The following RTN1 variants were observed in gnomAD, a reference collection of about 807,000 sequenced individuals.
RTN1 encodes the protein reticulon-1.
A neutral mutation model predicts 65.5 loss-of-function variants in RTN1; 25 were observed. The ratio of observed to expected loss-of-function variants is 0.38; its 90% confidence interval spans 0.28 to 0.53. The LOEUF is 0.53. Among genes scored for constraint, RTN1 ranks in the 20% least tolerant of loss-of-function variants. The probability of loss-of-function intolerance (pLI) is 0.79; values close to 1 mark genes in which losing one functional copy is unlikely to be tolerated. For synonymous variants in RTN1, 471 were observed against 447.6 expected, an observed-to-expected ratio of 1.05 and a Z score of -0.66; for missense variants, 983 against 1,025.4, an observed-to-expected ratio of 0.96 and a Z score of 0.57.
chr14:59,805,907 G>A lies in RTN1; in HGVS notation c.242-59426C>T, dbSNP rs542566934. Among the ~76,000 whole-genome samples the A allele has an allele frequency of 1.6e-3, 240 of 152,270 alleles. 1 individual carries two copies. Among genetic ancestry groups the A allele is most frequent in the Non-Finnish European group, 2.6e-3 (175 of 68,020 alleles). ...AAGGACTTTCACAAAATTGGGACCA[G>A]AGGATGTCTCTTATGAATGATATGA... On this transcript the variant is annotated intron_variant, in intron 1 of 8. Transcript: ENST00000267484.
At chr14:59,658,057 G>T (rs948973821) in intron 3 of RTN1, among the ~76,000 whole-genome samples, 12 of 152,246 alleles carry the variant, frequency 7.9e-5, no homozygotes, top group African/African-American at 2.9e-4. Context: ...AGGTTGGTGG[G>T]GGGAGGGGCA....
At chr14:59,749,595 ATATC>A (rs1296362390) in intron 1 of RTN1, among the ~76,000 whole-genome samples, 4 of 43,504 alleles carry the variant, frequency 9.2e-5, no homozygotes, top group Non-Finnish European at 1.1e-4. Flanking sequence ...ATTTATATAT[ATATC>A]TATCTATATA....
chr14:59,746,479 C>T lies in RTN1; in HGVS notation c.244G>A (p.Val82Met). The T allele has an allele frequency of 6.3e-7, 1 of 1,577,410 alleles. No homozygotes were observed. Among genetic ancestry groups the T allele is most frequent in the Non-Finnish European group, 8.6e-7 (1 of 1,163,772 alleles). Residue 82 changes from valine to methionine, a missense_variant and splice_region_variant, in exon 2 of 9, where the codon GTG (valine) becomes ATG (methionine). By Grantham distance (21) the Val-to-Met change is conservative. Around this residue, in one of 2 missense-constraint regions of RTN1, gnomAD observed 818 missense variants for 801.8 expected, o/e 1.02. Transcript: ENST00000267484. The part of the protein sequence containing the change: ...PVAMETASTG[V>M]AGVSSAMDHT... ...TCCATGGCACTGGAAACACCTGCCA[C>T]ACCTATGAATCAAAGCAGCAGCAGA...
At chr14:59,652,054 A>G (rs1883030749) in intron 3 of RTN1, among the ~76,000 whole-genome samples, 1 of 152,180 alleles carries the variant, frequency 6.6e-6, no homozygotes, top group South Asian at 2.1e-4. Context: ...AGACATAGAT[A>G]CAGTCAACAA....
intron 1 of RTN1, among the ~76,000 whole-genome samples, chr14:59,864,545 C>A (rs991900002): frequency 7.0e-6 from 1 of 143,314 alleles, no homozygotes; most frequent in African/African-American, 2.5e-5. Flanking sequence ...CCCCTTGCCC[C>A]CACCAAGAAA....
intron 1 of RTN1, among the ~76,000 whole-genome samples, chr14:59,771,692 A>T (rs990203943): frequency 1.9e-4 from 29 of 152,188 alleles, no homozygotes; most frequent in African/African-American, 6.5e-4. Context: ...ATAAATTTCA[A>T]ATAAGCTGTG....
At chr14:59,619,311 G>C (rs749940540) in intron 3 of RTN1, among the ~76,000 whole-genome samples, 1 of 152,146 alleles carries the variant, frequency 6.6e-6, no homozygotes, top group Non-Finnish European at 1.5e-5. Flanking sequence ...TCCAGATTCT[G>C]ACATGATGAC....
At position 59,623,940 on chromosome 14, in the gene RTN1, G is replaced by A. The variant is rs369700057; in HGVS notation, c.1766-16448C>T. On this transcript the variant is annotated intron_variant, in intron 3 of 8. Coordinates refer to ENST00000267484, the MANE Select transcript of RTN1 (RefSeq NM_021136.3). ...TTGAAATTTGCCAATCTGCAGTTTG[G>A]TGAAATATTTCTGAAGAAAGGGGAT... Among the ~76,000 whole-genome samples the A allele has an allele frequency of 1.2e-4, 18 of 152,272 alleles. 2 individuals are homozygous for A. The highest frequency in any genetic ancestry group is 6.5e-4 in the Admixed American group (10 of 15,296).
intron 3 of RTN1, among the ~76,000 whole-genome samples, chr14:59,675,698 A>G (rs1883613009): frequency 6.6e-6 from 1 of 152,010 alleles, no homozygotes; most frequent in African/African-American, 2.4e-5. Flanking sequence ...AAGTCACATC[A>G]TGTATAAGTG....
chr14:59,812,711 A>C (rs2139614936), intron 1 of RTN1, among the ~76,000 whole-genome samples: 2 of 152,346 alleles, frequency 1.3e-5, no homozygotes, highest in East Asian at 3.9e-4. Flanking sequence ...GCAAACACAA[A>C]ATTTGTGTTA....
chr14:59,839,535 A>G (rs185177377), intron 1 of RTN1, among the ~76,000 whole-genome samples: 17 of 152,304 alleles, frequency 1.1e-4, no homozygotes, highest in Admixed American at 1.0e-3. Flanking sequence ...CTGTTTGACT[A>G]TTATCCTTTG....
At chr14:59,819,405 ACCACCAC>A (rs1886884755) in intron 1 of RTN1, among the ~76,000 whole-genome samples, 1 of 20,188 alleles carries the variant, frequency 5.0e-5, no homozygotes, top group African/African-American at 5.1e-4. Context: ...GTGCATCCAC[ACCACCAC>A]CACCCCCCCC....
chr14:59,768,650 T>C (rs1885895077), intron 1 of RTN1, among the ~76,000 whole-genome samples: 1 of 152,196 alleles, frequency 6.6e-6, no homozygotes, highest in Non-Finnish European at 1.5e-5. Context: ...GGGATAACCT[T>C]ATTAGAATCT....
Position 59,622,769 on chromosome 14 carries a change from A to G in RTN1, c.1766-15277T>C, listed in dbSNP as rs952267505. ...CTTCTAGTCATGAGTTTCATTTACC[A>G]AGATAGTATCCCACATCAGTTGAAG... On this transcript the variant is annotated intron_variant, in intron 3 of 8. Coordinates refer to ENST00000267484, the MANE Select transcript of RTN1 (RefSeq NM_021136.3). Among the ~76,000 whole-genome samples, 53 of 152,228 alleles carry G rather than the reference A, an allele frequency of 3.5e-4. 1 individual carries two copies. Among genetic ancestry groups the G allele is most frequent in the African/African-American group, 1.2e-3 (50 of 41,464 alleles).
At chr14:59,720,448 G>A (rs1246800821) in intron 3 of RTN1, among the ~76,000 whole-genome samples, 1 of 152,148 alleles carries the variant, frequency 6.6e-6, no homozygotes, top group Non-Finnish European at 1.5e-5. Flanking sequence ...TGGGCTGGTT[G>A]CAGTGGCTCA....
intron 1 of RTN1, among the ~76,000 whole-genome samples, chr14:59,784,957 G>C (rs1216531145): frequency 5.3e-5 from 8 of 152,100 alleles, no homozygotes; most frequent in Non-Finnish European, 2.9e-5. Flanking sequence ...TAACATAAAG[G>C]CTTCCTGAGC....
chr14:59,654,387 C>A (rs974070511), intron 3 of RTN1, among the ~76,000 whole-genome samples: 1 of 148,928 alleles, frequency 6.7e-6, no homozygotes, highest in African/African-American at 2.5e-5. Flanking sequence ...CAAGATTGTG[C>A]CACGGCACTC....
intron 5 of RTN1, chr14:59,604,123 T>C (rs1881669355): frequency 2.7e-6 from 1 of 372,544 alleles, no homozygotes; most frequent in East Asian, 4.2e-5. Flanking sequence ...TGGATCACTT[T>C]GTTATAAGGT....
At chr14:59,858,197 A>G (rs1379133694) in intron 1 of RTN1, among the ~76,000 whole-genome samples, 1 of 152,204 alleles carries the variant, frequency 6.6e-6, no homozygotes, top group African/African-American at 2.4e-5. Context: ...TCTCCTACAA[A>G]ATGCCAAGCA....
Sources: allele counts gnomAD v4.1 joint callset (sites outside exome capture counted in the v4.1 genomes callset), GRCh38; gene constraint gnomAD v4.1.1; regional missense constraint gnomAD v4.1.1; transcripts MANE v1.5; gene names NCBI Gene and HGNC (gene_info 2026-07-23, HGNC 2026-07-21).